Variants in CNR2 observed in about 807,000 individuals in gnomAD.
CNR2 encodes cannabinoid receptor 2 (macrophage).
For missense variants in CNR2, 379 were observed against 439.9 expected, an observed-to-expected ratio of 0.86 and a Z score of 1.24; for synonymous variants, 172 against 182.2, an observed-to-expected ratio of 0.94 and a Z score of 0.45.
intron 1 of CNR2, among the ~76,000 whole-genome samples, chr1:23,876,514 T>G (rs1407784043): frequency 6.6e-6 from 1 of 151,758 alleles, no homozygotes; most frequent in Non-Finnish European, 1.5e-5. Context: ...AAACATTTTA[T>G]ACTAGATAAA....
chr1:23,887,397 A>G (rs983380662), intron 1 of CNR2, among the ~76,000 whole-genome samples: 2 of 152,170 alleles, frequency 1.3e-5, no homozygotes, highest in Non-Finnish European at 2.9e-5. Context: ...GAAATGGCTC[A>G]CCCCATGTAG....
At chr1:23,912,305 C>A (rs1256892227) in intron 1 of CNR2, among the ~76,000 whole-genome samples, 1 of 152,228 alleles carries the variant, frequency 6.6e-6, no homozygotes, top group East Asian at 1.9e-4. Context: ...CCCCTGGCCT[C>A]CTGAGTCCAG....
chr1:23,902,579 G>C (rs1640418326), intron 1 of CNR2: 1 of 1,607,044 alleles, frequency 6.2e-7, no homozygotes, highest in Non-Finnish European at 8.5e-7. Context: ...CTTCCGCCAG[G>C]TCCCAGTAGA....
intron 1 of CNR2, among the ~76,000 whole-genome samples, chr1:23,880,004 C>G (rs757522605): frequency 6.6e-5 from 10 of 152,164 alleles, no homozygotes; most frequent in Non-Finnish European, 1.5e-5. Context: ...GCTTCTTAAT[C>G]AGTCTTCTCT....
rs142210955 is a variant in CNR2, at chr1:23,875,282, G to A, written c.336C>T (p.Ser112=). The change falls in exon 2 of 2, where the codon AGC becomes AGT. Residue 112 remains serine, a synonymous_variant. Transcript: ENST00000374472. ...CAGAGGCTGTGAAGGTCATAGTCAC[G>A]CTGCCAATCTTCAGCAGGAAGACAG... The part of the protein sequence containing the change: ...SKAVFLLKIG[S]VTMTFTASVG... 94 of 1,614,204 alleles carry A rather than the reference G, an allele frequency of 5.8e-5. No individual in the cohort carries two copies. In the Middle Eastern group the frequency reaches 6.6e-4, roughly 11 times the overall value.
At chr1:23,875,793 T>G (rs1570699440) in intron 1 of CNR2, 131 bp from the exon 2 acceptor site, 2 of 779,752 alleles carry the variant, frequency 2.6e-6, no homozygotes, top group East Asian at 5.3e-5. Context: ...GTTTCTGTTT[T>G]GTTTGCCTGT....
chr1:23,906,891 CAA>C (rs111873996), intron 1 of CNR2, among the ~76,000 whole-genome samples: 50 of 115,096 alleles, frequency 4.3e-4, no homozygotes, highest in Non-Finnish European at 5.7e-4. Flanking sequence ...GACTCTGTGT[CAA>C]AAAAAAAAAA....
In CNR2 at chr1:23,871,151, T is replaced by C. The variant is rs1264063869; in HGVS notation, c.*3384A>G. 2.8e-5 allele frequency: 2 copies of C among 70,870 alleles called. No individual in the cohort carries two copies. Among genetic ancestry groups the C allele is most frequent in the Admixed American group, 2.1e-4 (1 of 4,748 alleles). The allele number at this position is 70,870 out of a possible 1,614,324, so 4.4% of individuals were successfully genotyped here. On this transcript the variant is annotated 3_prime_UTR_variant, in exon 2 of 2. Transcript: ENST00000374472. The stretch of plus-strand genomic sequence containing the variant: ...ACCTGGGTGACAGAGTGAGATTCTA[T>C]GTCAAAAAAAAAAAAAAAAAAAAAA...
chr1:23,883,963 G>C (rs7519729), intron 1 of CNR2, among the ~76,000 whole-genome samples: 110,503 of 152,026 alleles, frequency 0.73, 40,943 homozygotes, highest in Middle Eastern at 0.79. Flanking sequence ...TTGCAGGCAG[G>C]AATATAACAT....
chr1:23,900,925 G>T (rs997121466), intron 1 of CNR2, among the ~76,000 whole-genome samples: 1 of 152,106 alleles, frequency 6.6e-6, no homozygotes, highest in Admixed American at 6.6e-5. Context: ...ACTGATTTGA[G>T]TAATAGGACA....
chr1:23,906,776 C>T (rs1054068838), intron 1 of CNR2, among the ~76,000 whole-genome samples: 15 of 151,614 alleles, frequency 9.9e-5, no homozygotes, highest in African/African-American at 3.4e-4. Flanking sequence ...CCTGTAGTCT[C>T]AGCTACTTGA....
chr1:23,883,603 T>C (rs938539036), intron 1 of CNR2, among the ~76,000 whole-genome samples: 2 of 152,174 alleles, frequency 1.3e-5, no homozygotes, highest in Non-Finnish European at 2.9e-5. Context: ...AACAGGCGAA[T>C]TGCCTGAGCT....
intron 1 of CNR2, chr1:23,902,582 C>G (rs931240688): frequency 1.9e-6 from 3 of 1,606,648 alleles, no homozygotes; most frequent in Non-Finnish European, 2.6e-6. Flanking sequence ...CCGCCAGGTC[C>G]CAGTAGAACA....
chr1:23,902,390 A>C, intron 1 of CNR2: 1 of 1,586,294 alleles, frequency 6.3e-7, no homozygotes, highest in South Asian at 1.1e-5. Context: ...TGGCTTTCAG[A>C]CTTGTCCCCA....
In CNR2 at chr1:23,897,260, T is replaced by C. The variant is rs7517678; in HGVS notation, c.-46+15986A>G. On this transcript the variant is annotated intron_variant, in intron 1 of 1. Transcript: ENST00000374472. ...TCACATGGGGCAGAAAACAGGGGTG[T>C]TGTCAGATTGCAAAAGAGCTGGCGA... Among the ~76,000 whole-genome samples, 277 of 152,078 alleles carry C rather than the reference T, an allele frequency of 1.8e-3. 1 individual carries two copies. The highest frequency in any genetic ancestry group is 6.0e-3 in the African/African-American group (247 of 41,508).
At chr1:23,902,745 G>A (rs1254516636) in intron 1 of CNR2, 2 of 1,530,628 alleles carry the variant, frequency 1.3e-6, no homozygotes, top group South Asian at 1.2e-5. Context: ...GGGGGACCGC[G>A]CCATTTGGGG....
At chr1:23,907,426 A>C (rs1171932353) in intron 1 of CNR2, among the ~76,000 whole-genome samples, 13 of 140,502 alleles carry the variant, frequency 9.3e-5, no homozygotes, top group Non-Finnish European at 1.9e-4. Context: ...AAAAAAAAAA[A>C]CAAGAGAAAA....
chr1:23,893,876 C>G (rs537972508), intron 1 of CNR2, among the ~76,000 whole-genome samples: 1 of 152,138 alleles, frequency 6.6e-6, no homozygotes, highest in African/African-American at 2.4e-5. Context: ...GTAGTCCCAG[C>G]ACTTTGGGAG....
chr1:23,901,680 A>G, intron 1 of CNR2: 1 of 1,464,512 alleles, frequency 6.8e-7, no homozygotes, highest in Non-Finnish European at 9.6e-7. Flanking sequence ...TGTTCAAACC[A>G]GACCGGGAAG....
Sources: gnomAD v4.1 joint callset for allele counts (sites outside exome capture counted in the v4.1 genomes callset) on GRCh38, gnomAD v4.1.1 for gene constraint, MANE v1.5 for transcripts, NCBI Gene and HGNC (gene_info 2026-07-23, HGNC 2026-07-21) for gene names.